The following EPB41L4A variants were observed in gnomAD, a reference collection of about 807,000 sequenced individuals.
EPB41L4A encodes the protein erythrocyte membrane protein band 4.1 like 4A, also known as band 4.1-like protein 4A.
A neutral mutation model predicts 108.6 loss-of-function variants in EPB41L4A; 100 were observed. That is an observed-to-expected ratio of 0.92 (90% CI 0.78 to 1.09). The LOEUF is 1.09. Ranked by LOEUF, EPB41L4A falls within the 50% of genes least tolerant of loss-of-function variation. EPB41L4A has a pLI of 0.00. For synonymous variants in EPB41L4A, 319 were observed against 289.0 expected, an observed-to-expected ratio of 1.10 and a Z score of -1.05; for missense variants, 1,030 against 842.7, an observed-to-expected ratio of 1.22 and a Z score of -2.75.
downstream of EPB41L4A, among the ~76,000 whole-genome samples, chr5:112,159,271 T>C (rs1049296159): frequency 1.3e-5 from 2 of 152,196 alleles, no homozygotes; most frequent in African/African-American, 4.8e-5. Flanking sequence ...TTTTCTTCTC[T>C]TTCCTTCTTT....
intron 1 of EPB41L4A, among the ~76,000 whole-genome samples, chr5:112,343,913 A>G (rs369528846): frequency 9.2e-5 from 14 of 152,326 alleles, no homozygotes; most frequent in African/African-American, 2.9e-4. Flanking sequence ...TGGATAAGCC[A>G]GGTATGGCGG....
intron 1 of EPB41L4A, among the ~76,000 whole-genome samples, chr5:112,379,648 G>GATGAGATCGCA (rs1374256753): frequency 6.6e-6 from 1 of 152,168 alleles, no homozygotes; most frequent in Non-Finnish European, 1.5e-5. Context: ...CTCACCAACA[G>GATGAGATCGCA]CAAACTGCAT....
intron 2 of EPB41L4A, among the ~76,000 whole-genome samples, chr5:112,286,153 G>A (rs934024145): frequency 6.7e-5 from 10 of 150,344 alleles, no homozygotes; most frequent in African/African-American, 2.0e-4. Context: ...ATTGTCCCTC[G>A]CTGATGCCCC....
chr5:112,298,670 T>C (rs1027899330), intron 2 of EPB41L4A, among the ~76,000 whole-genome samples: 1 of 152,072 alleles, frequency 6.6e-6, no homozygotes, highest in Admixed American at 6.6e-5. Context: ...CTTCACAGAA[T>C]GATTTAGGGA....
rs570547954 is a variant in EPB41L4A, at chr5:112,312,806, T to C, written c.100-5316A>G. Among the ~76,000 whole-genome samples the C allele has an allele frequency of 1.4e-3, 210 of 152,296 alleles. 1 individual carries two copies. The highest frequency in any genetic ancestry group is 4.9e-3 in the African/African-American group (204 of 41,572). ...TACACATGGATAATTTCATTCTTCT[T>C]ATGGGTACTTTGTAGAGACCACCTA... On this transcript the variant is annotated intron_variant, in intron 1 of 22. Coordinates refer to ENST00000261486, the MANE Select transcript of EPB41L4A (RefSeq NM_022140.5).
rs114381102 is a variant in EPB41L4A, at chr5:112,412,746, G to A, written c.99+6195C>T. Among the ~76,000 whole-genome samples the A allele has an allele frequency of 5.1e-3, 773 of 152,290 alleles. 3 individuals carry two copies. The highest frequency in any genetic ancestry group is 0.018 in the African/African-American group (736 of 41,542). The stretch of plus-strand genomic sequence containing the variant: ...AGGAGCTTCAGATGTGATTAAAATT[G>A]TCAGAGATAAAGCTGAACCAAAGCA... On this transcript the variant is annotated intron_variant, in intron 1 of 22. Transcript: ENST00000261486.
At chr5:112,408,370 A>G (rs1338049665) in intron 1 of EPB41L4A, among the ~76,000 whole-genome samples, 1 of 152,202 alleles carries the variant, frequency 6.6e-6, no homozygotes, top group Non-Finnish European at 1.5e-5. Flanking sequence ...CTTCGTCAAA[A>G]TCAAAAATTT....
chr5:112,176,173 G>C (rs148499239), intron 18 of EPB41L4A, among the ~76,000 whole-genome samples: 63 of 152,176 alleles, frequency 4.1e-4, no homozygotes, highest in Admixed American at 8.5e-4. Context: ...AAAATCCTAA[G>C]AGCGTGGTAC....
intron 18 of EPB41L4A, among the ~76,000 whole-genome samples, chr5:112,174,157 T>C (rs1015313884): frequency 5.3e-5 from 8 of 152,232 alleles, no homozygotes; most frequent in Non-Finnish European, 7.3e-5. Flanking sequence ...TTTCCTCTGA[T>C]TGCTAGACCA....
chr5:112,199,114 A>G (rs1762100751), intron 15 of EPB41L4A, among the ~76,000 whole-genome samples: 1 of 152,156 alleles, frequency 6.6e-6, no homozygotes, highest in African/African-American at 2.4e-5. Flanking sequence ...TCACTGGATG[A>G]TCCTTTGAAA....
chr5:112,166,506 A>T (rs558431010), intron 22 of EPB41L4A, among the ~76,000 whole-genome samples: 1 of 152,110 alleles, frequency 6.6e-6, no homozygotes, highest in Non-Finnish European at 1.5e-5. Context: ...CTCTGATTAC[A>T]TCAGCCTTGC....
intron 1 of EPB41L4A, among the ~76,000 whole-genome samples, chr5:112,383,563 T>C (rs1206444534): frequency 1.3e-5 from 2 of 152,152 alleles, no homozygotes; most frequent in Non-Finnish European, 2.9e-5. Context: ...ATTTTTATAA[T>C]GGCAAAAATT....
chr5:112,184,940 C>A (rs566645050), intron 17 of EPB41L4A, among the ~76,000 whole-genome samples: 27 of 152,252 alleles, frequency 1.8e-4, no homozygotes, highest in Non-Finnish European at 3.1e-4. Flanking sequence ...ATAGACTTAA[C>A]AAAACCCATG....
intron 1 of EPB41L4A, among the ~76,000 whole-genome samples, chr5:112,405,721 A>C (rs1467576316): frequency 6.6e-6 from 1 of 152,230 alleles, no homozygotes; most frequent in Non-Finnish European, 1.5e-5. Flanking sequence ...TTCCTGATTA[A>C]CTTCACCTTG....
intron 1 of EPB41L4A, among the ~76,000 whole-genome samples, chr5:112,401,138 T>C (rs1299279296): frequency 1.3e-5 from 2 of 152,110 alleles, no homozygotes; most frequent in African/African-American, 4.8e-5. Context: ...CCCCTATCTG[T>C]CCCCTATCTA....
At chr5:112,336,752 G>A (rs1477219149) in intron 1 of EPB41L4A, among the ~76,000 whole-genome samples, 1 of 152,222 alleles carries the variant, frequency 6.6e-6, no homozygotes, top group Non-Finnish European at 1.5e-5. Flanking sequence ...GCTAGAAAGA[G>A]AAGATTTTTA....
chr5:112,251,222 G>C (rs1335264296), intron 9 of EPB41L4A, among the ~76,000 whole-genome samples: 1 of 152,102 alleles, frequency 6.6e-6, no homozygotes, highest in Non-Finnish European at 1.5e-5. Context: ...CTGGGCATAA[G>C]GCAATACCAA....
downstream of EPB41L4A, chr5:112,158,319 A>C (rs1300799650): frequency 4.6e-6 from 1 of 219,032 alleles, no homozygotes; most frequent in African/African-American, 2.3e-5. Context: ...GTCATTATGT[A>C]CCACACACAA....
intron 12 of EPB41L4A, among the ~76,000 whole-genome samples, chr5:112,231,733 C>A (rs1197612314): frequency 1.5e-5 from 2 of 132,022 alleles, no homozygotes; most frequent in African/African-American, 5.6e-5. Flanking sequence ...TGCAGTGAGC[C>A]GAGATTGCGC....
Sources: allele counts gnomAD v4.1 joint callset (sites outside exome capture counted in the v4.1 genomes callset), GRCh38; gene constraint gnomAD v4.1.1; transcripts MANE v1.5; gene names NCBI Gene and HGNC (gene_info 2026-07-23, HGNC 2026-07-21).